The following SYTL5 variants were observed in gnomAD, a reference collection of about 807,000 sequenced individuals.
SYTL5 encodes synaptotagmin-like protein 5.
A neutral mutation model predicts 55.9 loss-of-function variants in SYTL5; 34 were observed. The observed-to-expected ratio is 0.61, with a 90% CI of 0.46 to 0.81. SYTL5 has a LOEUF of 0.81. SYTL5 is among the 30% of genes least tolerant of loss of function. The pLI, the probability that SYTL5 is intolerant of heterozygous loss-of-function variation, is 0.00. For missense variants in SYTL5, 637 were observed against 546.7 expected, an observed-to-expected ratio of 1.17 and a Z score of -1.65; for synonymous variants, 221 against 188.7, an observed-to-expected ratio of 1.17 and a Z score of -1.40.
At chrX:37,910,470 A>C in the SYTL5 span, among the ~76,000 whole-genome samples, 1 of 112,264 alleles carries the variant, frequency 8.9e-6, no homozygotes, top group African/African-American at 3.2e-5. Context: ...GGGGAGACAC[A>C]ATTCAGCCCA....
At chrX:38,049,507 C>T (rs1935566112) in intron 2 of SYTL5, among the ~76,000 whole-genome samples, 2 of 110,876 alleles carry the variant, frequency 1.8e-5, no homozygotes, top group Non-Finnish European at 3.8e-5. Flanking sequence ...GAGAGTTTAG[C>T]TCTTGATCCA....
intron 13 of SYTL5, among the ~76,000 whole-genome samples, chrX:38,118,303 G>T (rs140525349): frequency 8.9e-6 from 1 of 111,955 alleles, no homozygotes; most frequent in African/African-American, 3.2e-5. Context: ...AGTCAGGCAA[G>T]GATTCCTTTT....
chrX:38,096,464 TG>T (rs1467228877), intron 9 of SYTL5, among the ~76,000 whole-genome samples: 3 of 111,482 alleles, frequency 2.7e-5, no homozygotes, highest in African/African-American at 9.7e-5. Flanking sequence ...AAACACATGT[TG>T]GAGATTTCAA....
the SYTL5 span, among the ~76,000 whole-genome samples, chrX:37,974,498 G>C: frequency 8.9e-6 from 1 of 111,834 alleles, no homozygotes; most frequent in Non-Finnish European, 1.9e-5. Context: ...CCTAGACTTA[G>C]GTAGTAGTGA....
At chrX:38,083,093 T>TG (rs1316938031) in intron 6 of SYTL5, among the ~76,000 whole-genome samples, 1 of 112,064 alleles carries the variant, frequency 8.9e-6, no homozygotes, top group Non-Finnish European at 1.9e-5. Context: ...TGTGTGTCTA[T>TG]GGGGGAAGGT....
rs1448340224 is a variant in SYTL5, at chrX:38,095,857, G to A, written c.962-277G>A. Among the ~76,000 whole-genome samples, 3 of 110,683 alleles carry A rather than the reference G, an allele frequency of 2.7e-5. No homozygotes were observed. The East Asian group carries it at 8.4e-4, about 31-fold the overall frequency. ...GTTGCCTTAAACAGCTTAAAACATA[G>A]CATTTTACAGTAGAACATTTAACCT... On this transcript the variant is annotated intron_variant, in intron 8 of 16. Coordinates refer to ENST00000297875, the MANE Select transcript of SYTL5 (RefSeq NM_138780.3).
chrX:38,096,275 A>G, intron 9 of SYTL5, 41 bp downstream of exon 9: 1 of 822,931 alleles, frequency 1.2e-6, no homozygotes, highest in Middle Eastern at 2.8e-4. Context: ...AGAGGAGGAA[A>G]TAAGGGCATA....
the SYTL5 span, among the ~76,000 whole-genome samples, chrX:37,944,329 A>G: frequency 9.0e-6 from 1 of 110,782 alleles, no homozygotes; most frequent in Admixed American, 9.6e-5. Flanking sequence ...GGGCATTTTG[A>G]TTGAGATTTG....
At chrX:37,980,459 G>A in the SYTL5 span, among the ~76,000 whole-genome samples, 34 of 112,202 alleles carry the variant, frequency 3.0e-4, no homozygotes, top group African/African-American at 1.1e-3. Context: ...GAGATGCTCT[G>A]CAAACTCAAC....
the SYTL5 span, among the ~76,000 whole-genome samples, chrX:37,955,589 G>GA: frequency 1.8e-5 from 2 of 111,887 alleles, no homozygotes; most frequent in African/African-American, 6.5e-5. Context: ...AGCCTTTTCT[G>GA]ACTGGGGAAA....
chrX:37,944,290 A>AT, the SYTL5 span, among the ~76,000 whole-genome samples: 5,792 of 106,224 alleles, frequency 0.055, 422 homozygotes, highest in African/African-American at 0.19. Context: ...GTTGAAAAAG[A>AT]TTTTTTTTTT....
chrX:38,060,331 T>C (rs1008262576), intron 3 of SYTL5, among the ~76,000 whole-genome samples: 1 of 111,909 alleles, frequency 8.9e-6, no homozygotes. Context: ...GAGATTGTTT[T>C]AGAAGCTAGC....
At chrX:37,905,959 G>A in the SYTL5 span, among the ~76,000 whole-genome samples, 1 of 113,442 alleles carries the variant, frequency 8.8e-6, no homozygotes, top group Non-Finnish European at 1.9e-5. Context: ...GCTGGGGGTG[G>A]GGAGGGAGAG....
the SYTL5 span, among the ~76,000 whole-genome samples, chrX:37,910,931 A>G: frequency 1.9e-5 from 2 of 104,150 alleles, no homozygotes; most frequent in East Asian, 5.8e-4. Context: ...ACATCATTGT[A>G]TGTGAAGTTT....
intron 1 of SYTL5, among the ~76,000 whole-genome samples, chrX:38,014,033 C>A (rs763095361): frequency 8.9e-6 from 1 of 111,847 alleles, no homozygotes; most frequent in African/African-American, 3.2e-5. Flanking sequence ...GCTTTTATTT[C>A]TTTCTTTAGT....
chrX:37,964,597 G>A, the SYTL5 span, among the ~76,000 whole-genome samples: 1 of 110,915 alleles, frequency 9.0e-6, no homozygotes, highest in African/African-American at 3.3e-5. Context: ...GGTTAATGCT[G>A]GCCTCATAAA....
chrX:38,027,323 G>T (rs2147171092), intron 1 of SYTL5, among the ~76,000 whole-genome samples: 1 of 112,163 alleles, frequency 8.9e-6, no homozygotes, highest in East Asian at 2.8e-4. Context: ...GGCAACTGTT[G>T]GAAACAAGCT....
intron 9 of SYTL5, among the ~76,000 whole-genome samples, chrX:38,100,375 A>G (rs1242441999): frequency 9.0e-6 from 1 of 111,415 alleles, no homozygotes; most frequent in Non-Finnish European, 1.9e-5. Flanking sequence ...TTTTAATGAA[A>G]TGACATTATT....
chrX:38,070,327 G>C (rs1208010599), intron 3 of SYTL5, among the ~76,000 whole-genome samples: 1 of 110,714 alleles, frequency 9.0e-6, no homozygotes, highest in African/African-American at 3.3e-5. Flanking sequence ...GGCTTGAAAT[G>C]CCTATTTGAC....
Sources: allele counts gnomAD v4.1 joint callset (sites outside exome capture counted in the v4.1 genomes callset), GRCh38; gene constraint gnomAD v4.1.1; transcripts MANE v1.5; gene names NCBI Gene and HGNC (gene_info 2026-07-23, HGNC 2026-07-21).